Variants in ROBO1 observed in about 807,000 individuals in gnomAD.
ROBO1 encodes roundabout guidance receptor 1.
A neutral mutation model predicts 195.9 loss-of-function variants in ROBO1; 149 were observed. That is an observed-to-expected ratio of 0.76 (90% CI 0.67 to 0.87). The LOEUF (loss-of-function observed/expected upper bound fraction) is 0.87, where lower values mean the gene tolerates loss of function less well. Ranked by LOEUF, ROBO1 falls within the 40% of genes least tolerant of loss-of-function variation. ROBO1 has a pLI of 0.00. For synonymous variants in ROBO1, 816 were observed against 733.2 expected, an observed-to-expected ratio of 1.11 and a Z score of -1.82; for missense variants, 1,933 against 2,068.3, an observed-to-expected ratio of 0.93 and a Z score of 1.27.
intron 7 of ROBO1, among the ~76,000 whole-genome samples, chr3:78,715,507 C>T (rs1389537379): frequency 6.6e-6 from 1 of 152,122 alleles, no homozygotes; most frequent in Non-Finnish European, 1.5e-5. Flanking sequence ...ATGTAACACC[C>T]ATAGTGCTAA....
At chr3:78,992,232 T>G (rs2077254642) in intron 3 of ROBO1, among the ~76,000 whole-genome samples, 1 of 152,156 alleles carries the variant, frequency 6.6e-6, no homozygotes, top group Admixed American at 6.6e-5. Context: ...ATGTTTCAGG[T>G]GAAAGTGATA....
At chr3:79,728,081 C>CGT (rs1035384605) in intron 1 of ROBO1, among the ~76,000 whole-genome samples, 1 of 151,710 alleles carries the variant, frequency 6.6e-6, no homozygotes, top group South Asian at 2.1e-4. Flanking sequence ...CACACGACTG[C>CGT]GTGTGTGTAT....
intron 3 of ROBO1, among the ~76,000 whole-genome samples, chr3:79,073,649 G>A (rs191511455): frequency 4.7e-4 from 72 of 151,878 alleles, no homozygotes; most frequent in Non-Finnish European, 8.5e-4. Context: ...CTCAGTTCAT[G>A]CTACCACTTT....
intron 4 of ROBO1, among the ~76,000 whole-genome samples, chr3:78,800,951 TA>T (rs1257804176): frequency 2.0e-5 from 3 of 152,126 alleles, no homozygotes; most frequent in African/African-American, 7.2e-5. Flanking sequence ...ACCAATAGGA[TA>T]AATACGGATA....
chr3:79,689,548 C>A (rs148853641), intron 1 of ROBO1, among the ~76,000 whole-genome samples: 1 of 151,852 alleles, frequency 6.6e-6, no homozygotes, highest in Non-Finnish European at 1.5e-5. Context: ...AATCACCATC[C>A]CCTTTTCCTT....
At chr3:79,362,070 G>C (rs889144482) in intron 2 of ROBO1, among the ~76,000 whole-genome samples, 1 of 151,954 alleles carries the variant, frequency 6.6e-6, no homozygotes, top group African/African-American at 2.4e-5. Context: ...TAGGATGTAT[G>C]TTGACTTCGT....
At chr3:79,615,225 T>A (rs1233714728) in intron 1 of ROBO1, among the ~76,000 whole-genome samples, 1 of 152,174 alleles carries the variant, frequency 6.6e-6, no homozygotes, top group African/African-American at 2.4e-5. Flanking sequence ...TTGCTCTCCA[T>A]AACTCCTTAT....
intron 2 of ROBO1, among the ~76,000 whole-genome samples, chr3:79,486,631 T>C (rs945060276): frequency 6.6e-6 from 1 of 152,168 alleles, no homozygotes; most frequent in Non-Finnish European, 1.5e-5. Flanking sequence ...TAAGTGCTAA[T>C]ATTGGGTTGC....
intron 25 of ROBO1, among the ~76,000 whole-genome samples, chr3:78,628,713 C>T (rs2107489068): frequency 6.6e-6 from 1 of 152,276 alleles, no homozygotes; most frequent in South Asian, 2.1e-4. Flanking sequence ...TTGCCTCTTT[C>T]TTATGTTTCC....
intron 3 of ROBO1, among the ~76,000 whole-genome samples, chr3:79,095,067 A>G (rs928266879): frequency 1.3e-5 from 2 of 151,874 alleles, no homozygotes; most frequent in African/African-American, 4.8e-5. Flanking sequence ...CACTCCCTCA[A>G]CCTTCATAGG....
At chr3:79,344,235 C>T (rs2035021784) in intron 2 of ROBO1, among the ~76,000 whole-genome samples, 2 of 152,100 alleles carry the variant, frequency 1.3e-5, no homozygotes, top group African/African-American at 4.8e-5. Flanking sequence ...AGCAGTGGTT[C>T]TCAATCCAAG....
chr3:79,278,069 C>T (rs1394135955), intron 2 of ROBO1, among the ~76,000 whole-genome samples: 1 of 151,766 alleles, frequency 6.6e-6, no homozygotes, highest in African/African-American at 2.4e-5. Flanking sequence ...TTTACAATAG[C>T]TACAAAATAA....
At chr3:79,080,983 T>C (rs1421202154) in intron 3 of ROBO1, among the ~76,000 whole-genome samples, 1 of 152,112 alleles carries the variant, frequency 6.6e-6, no homozygotes, top group African/African-American at 2.4e-5. Flanking sequence ...GGTGCGTATC[T>C]AAATTTTAGA....
At chr3:78,602,382 A>G (rs1311677479) in intron 29 of ROBO1, among the ~76,000 whole-genome samples, 1 of 152,210 alleles carries the variant, frequency 6.6e-6, no homozygotes, top group Non-Finnish European at 1.5e-5. Context: ...AGGTCTCCTC[A>G]GAAGCCAAGC....
chr3:79,569,694 T>A (rs773904225), intron 2 of ROBO1, among the ~76,000 whole-genome samples: 8 of 151,580 alleles, frequency 5.3e-5, no homozygotes, highest in Non-Finnish European at 1.0e-4. Context: ...TGTGTGTATA[T>A]ATATATGTGT....
chr3:79,575,556 A>AAATATATATAAATATATATAACG (rs1379985655), intron 2 of ROBO1, among the ~76,000 whole-genome samples: 3 of 141,580 alleles, frequency 2.1e-5, no homozygotes, highest in Non-Finnish European at 4.6e-5. Context: ...TATATATAAC[A>AAATATATATAAATATATATAACG]AATATATATA....
intron 3 of ROBO1, among the ~76,000 whole-genome samples, chr3:79,049,866 G>C (rs191113405): frequency 1.3e-5 from 2 of 152,168 alleles, no homozygotes; most frequent in African/African-American, 4.8e-5. Context: ...GTCACTACCA[G>C]ACCTGCCCTA....
At chr3:79,222,977 A>G (rs1373300786) in intron 2 of ROBO1, among the ~76,000 whole-genome samples, 2 of 152,200 alleles carry the variant, frequency 1.3e-5, no homozygotes, top group Non-Finnish European at 2.9e-5. Context: ...AGACTAGTAT[A>G]AAGAATTTAG....
chr3:78,750,310 G>A lies in ROBO1; in HGVS notation c.500-3410C>T, dbSNP rs148893800. On this transcript the variant is annotated intron_variant, in intron 4 of 30. Coordinates refer to ENST00000464233, the MANE Select transcript of ROBO1 (RefSeq NM_002941.4). ...CTACTAAAAATACAAAAAATTAGCC[G>A]GGCTTGGTGGCGGGCACCTGTAGTT... Among the ~76,000 whole-genome samples the A allele has an allele frequency of 4.6e-3, 693 of 151,708 alleles. 8 individuals carry two copies. Among genetic ancestry groups the A allele is most frequent in the African/African-American group, 0.015 (620 of 41,410 alleles).
Sources: gnomAD v4.1 joint callset for allele counts (sites outside exome capture counted in the v4.1 genomes callset) on GRCh38, gnomAD v4.1.1 for gene constraint, MANE v1.5 for transcripts, NCBI Gene and HGNC (gene_info 2026-07-23, HGNC 2026-07-21) for gene names.